Variants in TNFAIP8 observed in about 807,000 individuals in gnomAD.
TNFAIP8 encodes TNF alpha induced protein 8.
In TNFAIP8, 7 loss-of-function variants were observed where a neutral mutation model predicts 13.3. That is an observed-to-expected ratio of 0.52 (90% CI 0.30 to 0.99). The LOEUF is 0.99. TNFAIP8 is among the 50% of genes least tolerant of loss of function. The probability of loss-of-function intolerance (pLI) is 0.07; values close to 1 mark genes in which losing one functional copy is unlikely to be tolerated. For synonymous variants in TNFAIP8, 94 were observed against 87.6 expected, an observed-to-expected ratio of 1.07 and a Z score of -0.41; for missense variants, 258 against 236.9, an observed-to-expected ratio of 1.09 and a Z score of -0.58.
chr5:119,370,791 A>G (rs1752043605), intron 1 of TNFAIP8, among the ~76,000 whole-genome samples: 1 of 152,254 alleles, frequency 6.6e-6, no homozygotes, highest in African/African-American at 2.4e-5. Flanking sequence ...AAGTCAGCTC[A>G]AGAAAATATG....
At chr5:119,276,572 G>C (rs1748456226) in intron 1 of TNFAIP8, among the ~76,000 whole-genome samples, 1 of 152,172 alleles carries the variant, frequency 6.6e-6, no homozygotes, top group Admixed American at 6.5e-5. Context: ...GGAAGTTCAA[G>C]ATCAAGACGT....
intron 1 of TNFAIP8, among the ~76,000 whole-genome samples, chr5:119,289,839 C>T (rs1362410388): frequency 6.6e-6 from 1 of 152,164 alleles, no homozygotes; most frequent in Non-Finnish European, 1.5e-5. Flanking sequence ...TTCTAAAAGC[C>T]AGGGCTGGGA....
At chr5:119,355,706 C>T, upstream of TNFAIP8, 1 of 276,746 alleles carries the variant, frequency 3.6e-6, no homozygotes, top group Non-Finnish European at 6.7e-6. Context: ...ACCTTTTTTT[C>T]CGCCCGTCTG....
At chr5:119,391,487 C>T (rs756977386) in intron 1 of TNFAIP8, 10 of 695,688 alleles carry the variant, frequency 1.4e-5, no homozygotes, top group South Asian at 5.9e-5. Context: ...GGGCCAGGTG[C>T]GGTGGCTCAT....
chr5:119,359,429 A>G (rs1751553110), intron 1 of TNFAIP8, among the ~76,000 whole-genome samples: 1 of 152,250 alleles, frequency 6.6e-6, no homozygotes. Context: ...CTAGACCACA[A>G]GCTCTGCAGG....
At chr5:119,375,591 A>G (rs939248255) in intron 1 of TNFAIP8, among the ~76,000 whole-genome samples, 1 of 152,228 alleles carries the variant, frequency 6.6e-6, no homozygotes, top group African/African-American at 2.4e-5. Flanking sequence ...GGGAACGACT[A>G]TAATGATCTT....
intron 1 of TNFAIP8, among the ~76,000 whole-genome samples, chr5:119,284,681 GA>G (rs200160390): frequency 0.012 from 1,691 of 138,556 alleles, 21 homozygotes; most frequent in South Asian, 0.041. Flanking sequence ...GCTCCATCTA[GA>G]AAAAAAAAAA....
At chr5:119,341,842 T>G (rs1750748638) in intron 1 of TNFAIP8, among the ~76,000 whole-genome samples, 1 of 152,214 alleles carries the variant, frequency 6.6e-6, no homozygotes, top group Non-Finnish European at 1.5e-5. Context: ...CCTAATCATT[T>G]GAAACTCTCA....
chr5:119,337,631 C>T (rs1750597936), intron 1 of TNFAIP8, among the ~76,000 whole-genome samples: 1 of 152,184 alleles, frequency 6.6e-6, no homozygotes, highest in Non-Finnish European at 1.5e-5. Flanking sequence ...GCTAATAGGA[C>T]AACAAAGTAC....
chr5:119,381,740 G>T (rs1334785816), intron 1 of TNFAIP8, among the ~76,000 whole-genome samples: 7 of 151,908 alleles, frequency 4.6e-5, no homozygotes, highest in African/African-American at 1.5e-4. Flanking sequence ...CAGGGACAGA[G>T]TGGCCAATAT....
chr5:119,344,390 C>A (rs1175221293), intron 1 of TNFAIP8, among the ~76,000 whole-genome samples: 4 of 152,170 alleles, frequency 2.6e-5, no homozygotes, highest in African/African-American at 9.7e-5. Context: ...CATTAAGGAT[C>A]CACCTCCATG....
At chr5:119,327,229 G>C (rs1336874235) in intron 1 of TNFAIP8, among the ~76,000 whole-genome samples, 1 of 152,144 alleles carries the variant, frequency 6.6e-6, no homozygotes, top group African/African-American at 2.4e-5. Context: ...CATTTTGTTA[G>C]GCTGAGGCGG....
At chr5:119,332,594 G>C (rs1750420336) in intron 1 of TNFAIP8, among the ~76,000 whole-genome samples, 1 of 152,172 alleles carries the variant, frequency 6.6e-6, no homozygotes. Context: ...AGCTGTGATA[G>C]ATACCAAAAA....
intron 1 of TNFAIP8, among the ~76,000 whole-genome samples, chr5:119,271,973 A>G (rs928702518): frequency 6.6e-6 from 1 of 152,200 alleles, no homozygotes; most frequent in Non-Finnish European, 1.5e-5. Flanking sequence ...GTCTGAGCCA[A>G]CTGCAGTTTC....
chr5:119,377,565 T>A lies in TNFAIP8; in HGVS notation c.32-15251T>A, dbSNP rs557280280. Among the ~76,000 whole-genome samples the A allele has an allele frequency of 8.5e-5, 13 of 152,132 alleles. No homozygotes were observed. The South Asian group carries it at 1.5e-3, about 17-fold the overall frequency. ...TGGGATCATTGTAAATTTGTCAAATTTACCACCGCTCTGTGACTTAGTTGA... is the reference window on the plus strand; with the variant it reads ...TGGGATCATTGTAAATTTGTCAAATATACCACCGCTCTGTGACTTAGTTGA... On this transcript the variant is annotated intron_variant, in intron 1 of 1. Coordinates refer to ENST00000504771, the MANE Select transcript of TNFAIP8 (RefSeq NM_014350.4).
chr5:119,286,859 A>G (rs1416381378), intron 1 of TNFAIP8, among the ~76,000 whole-genome samples: 2 of 152,196 alleles, frequency 1.3e-5, no homozygotes. Flanking sequence ...ATAGAACAAC[A>G]AATGCACAGA....
At chr5:119,357,532 AAG>A (rs569865971) in intron 1 of TNFAIP8, among the ~76,000 whole-genome samples, 57 of 152,240 alleles carry the variant, frequency 3.7e-4, no homozygotes, top group Non-Finnish European at 7.2e-4. Context: ...TCTTTTGAGA[AAG>A]AGAGAGTGGG....
At position 119,395,361 on chromosome 5, in the gene TNFAIP8, T is replaced by A. The variant is rs1753048738; in HGVS notation, c.*1980T>A. On this transcript the variant is annotated 3_prime_UTR_variant, in exon 2 of 2. Transcript: ENST00000504771. ...GCTACTGACTGGATGTGTTCTGTTCTCCAGATCTCAAACAGCAGAGGTATG... is the reference window on the plus strand; with the variant it reads ...GCTACTGACTGGATGTGTTCTGTTCACCAGATCTCAAACAGCAGAGGTATG... The A allele has an allele frequency of 6.6e-6, 1 of 152,260 alleles. No homozygotes were observed. Among genetic ancestry groups the A allele is most frequent in the South Asian group, 2.1e-4 (1 of 4,822 alleles). The allele number at this position is 152,260 out of a possible 1,614,324, so 9.4% of individuals were successfully genotyped here.
intron 1 of TNFAIP8, among the ~76,000 whole-genome samples, chr5:119,284,679 T>C (rs1049912671): frequency 2.0e-5 from 3 of 148,752 alleles, no homozygotes; most frequent in Non-Finnish European, 4.4e-5. Context: ...AGGCTCCATC[T>C]AGAAAAAAAA....
Sources: allele counts gnomAD v4.1 joint callset (sites outside exome capture counted in the v4.1 genomes callset), GRCh38; gene constraint gnomAD v4.1.1; transcripts MANE v1.5; gene names NCBI Gene and HGNC (gene_info 2026-07-23, HGNC 2026-07-21).